The following MICU1 variants were observed in gnomAD, a reference collection of about 807,000 sequenced individuals.
MICU1 encodes calcium uptake protein 1, mitochondrial.
Under a neutral mutation model 56.8 loss-of-function variants are expected in MICU1, and 45 were observed. That is an observed-to-expected ratio of 0.79 (90% CI 0.62 to 1.02). The LOEUF is 1.02. Among genes scored for constraint, MICU1 ranks in the 50% least tolerant of loss-of-function variants. The pLI, the probability that MICU1 is intolerant of heterozygous loss-of-function variation, is 0.00. For missense variants in MICU1, 504 were observed against 587.1 expected (o/e 0.86, Z 1.46); for synonymous variants, 186 against 195.1 (o/e 0.95, Z 0.39).
chr10:72,416,408 T>C (rs1425925168), intron 9 of MICU1, among the ~76,000 whole-genome samples: 2 of 152,138 alleles, frequency 1.3e-5, no homozygotes, highest in African/African-American at 4.8e-5. Context: ...TATTTGGAGT[T>C]AATGAGTTTT....
At chr10:72,523,380 C>T (rs1249633999) in intron 5 of MICU1, among the ~76,000 whole-genome samples, 1 of 152,120 alleles carries the variant, frequency 6.6e-6, no homozygotes, top group Non-Finnish European at 1.5e-5. Flanking sequence ...ATGGAATCGT[C>T]TATACGTTAT....
intron 8 of MICU1, among the ~76,000 whole-genome samples, chr10:72,452,188 A>G (rs1194528091): frequency 3.3e-5 from 5 of 152,112 alleles, no homozygotes; most frequent in Non-Finnish European, 7.4e-5. Context: ...TTTCAATTCT[A>G]TCCCTTCACT....
intron 4 of MICU1, among the ~76,000 whole-genome samples, chr10:72,541,268 A>G (rs1349042360): frequency 6.6e-6 from 1 of 152,232 alleles, no homozygotes; most frequent in Non-Finnish European, 1.5e-5. Flanking sequence ...TTGTAAAACT[A>G]GTAAAAGGCC....
At chr10:72,504,108 T>C (rs1412064855) in intron 6 of MICU1, among the ~76,000 whole-genome samples, 4 of 152,136 alleles carry the variant, frequency 2.6e-5, no homozygotes, top group Admixed American at 6.5e-5. Flanking sequence ...ACCAATGTCA[T>C]TTTTCACAAA....
At chr10:72,409,195 TCAGGTCC>T (rs1354449967) in intron 9 of MICU1, among the ~76,000 whole-genome samples, 1 of 152,208 alleles carries the variant, frequency 6.6e-6, no homozygotes, top group Non-Finnish European at 1.5e-5. Flanking sequence ...TAATGAAGCA[TCAGGTCC>T]TTAAAGAGCT....
rs560566745 is a variant in MICU1 at position 72,567,061 on chromosome 10, T to C, written c.-1-267A>G. On this transcript the variant is annotated intron_variant, in intron 1 of 11. Transcript: ENST00000361114. ...AGTATGAAACTTTTAATATAAAACA[T>C]TATTAAGGCCAGGTATGTGGCTCAT... Among the ~76,000 whole-genome samples, 14 of 152,190 alleles carry C rather than the reference T, an allele frequency of 9.2e-5. No homozygotes were observed. In the East Asian group the frequency reaches 2.3e-3, roughly 25 times the overall value.
intron 10 of MICU1, among the ~76,000 whole-genome samples, chr10:72,376,509 G>C (rs1157922174): frequency 6.6e-6 from 1 of 152,090 alleles, no homozygotes; most frequent in Non-Finnish European, 1.5e-5. Context: ...GCCCGGCATG[G>C]TGGTGTGCAC....
intron 1 of MICU1, among the ~76,000 whole-genome samples, chr10:72,587,670 G>C (rs1025692353): frequency 2.0e-5 from 3 of 151,940 alleles, no homozygotes; most frequent in Non-Finnish European, 4.4e-5. Flanking sequence ...TGTAATCCTA[G>C]CTACCTGGGT....
rs756685404 is a variant in MICU1 at position 72,533,734 on chromosome 10, T to C, written c.537+12A>G. 7 of 1,589,260 alleles carry C rather than the reference T, an allele frequency of 4.4e-6. No homozygotes were observed. Among genetic ancestry groups the C allele is most frequent in the South Asian group, 3.4e-5 (3 of 88,582 alleles). On this transcript the variant is annotated intron_variant, in intron 5 of 11. Coordinates refer to ENST00000361114, the MANE Select transcript of MICU1 (RefSeq NM_001195518.2). Reference sequence around the variant, plus strand: ...ATAGGATATATGTATAGAAGTGTCATAGTTTGCTCACCTTTCCATCAAAGC... The same window carrying C: ...ATAGGATATATGTATAGAAGTGTCACAGTTTGCTCACCTTTCCATCAAAGC...
intron 3 of MICU1, among the ~76,000 whole-genome samples, chr10:72,555,325 TA>T (rs1454307076): frequency 2.0e-5 from 3 of 151,768 alleles, no homozygotes; most frequent in African/African-American, 7.3e-5. Flanking sequence ...GACCAACCAA[TA>T]AAAAGTAAGC....
At chr10:72,454,103 A>T (rs911175771) in intron 8 of MICU1, among the ~76,000 whole-genome samples, 4 of 152,024 alleles carry the variant, frequency 2.6e-5, no homozygotes, top group Non-Finnish European at 5.9e-5. Flanking sequence ...AAGTGCTCGG[A>T]TTACAGGCGT....
intron 11 of MICU1, 145 bp downstream of exon 11, chr10:72,375,638 G>C: frequency 6.1e-6 from 4 of 658,170 alleles, no homozygotes; most frequent in Non-Finnish European, 4.9e-6. Flanking sequence ...TCATGCCAAG[G>C]GCTGAGGTGC....
intron 1 of MICU1, among the ~76,000 whole-genome samples, chr10:72,610,656 T>A (rs994249651): frequency 1.3e-5 from 2 of 152,138 alleles, no homozygotes; most frequent in Non-Finnish European, 2.9e-5. Context: ...AATACAACTA[T>A]TACCAACTGA....
At chr10:72,443,649 T>C (rs1435175414) in intron 8 of MICU1, among the ~76,000 whole-genome samples, 2 of 152,134 alleles carry the variant, frequency 1.3e-5, no homozygotes, top group African/African-American at 2.4e-5. Flanking sequence ...ATTGCTTTGA[T>C]TGCAAATCAA....
chr10:72,465,405 T>C (rs1328612123), intron 8 of MICU1, among the ~76,000 whole-genome samples: 1 of 150,528 alleles, frequency 6.6e-6, no homozygotes, highest in Non-Finnish European at 1.5e-5. Context: ...GTCATTCTTA[T>C]CCCTGGGAGA....
At chr10:72,509,621 T>C (rs952200749) in intron 5 of MICU1, among the ~76,000 whole-genome samples, 1 of 152,236 alleles carries the variant, frequency 6.6e-6, no homozygotes, top group East Asian at 1.9e-4. Flanking sequence ...TAGTAGGTTT[T>C]GATGGCGCTT....
At chr10:72,595,295 T>C (rs1841346377) in intron 1 of MICU1, among the ~76,000 whole-genome samples, 1 of 151,054 alleles carries the variant, frequency 6.6e-6, no homozygotes, top group African/African-American at 2.4e-5. Context: ...CTACTACAAA[T>C]ACAAAAATTA....
At chr10:72,560,298 C>T (rs142166114) in intron 3 of MICU1, 1 of 152,214 alleles carries the variant, frequency 6.6e-6, no homozygotes, top group African/African-American at 2.4e-5. Flanking sequence ...TTCACAACCT[C>T]TGTGGTCTAC....
At chr10:72,371,493 A>C (rs1049495901) in intron 11 of MICU1, among the ~76,000 whole-genome samples, 1 of 152,080 alleles carries the variant, frequency 6.6e-6, no homozygotes, top group African/African-American at 2.4e-5. Context: ...CTGTAATCCC[A>C]GCACTTTGGG....
Sources: allele counts gnomAD v4.1 joint callset (sites outside exome capture counted in the v4.1 genomes callset), GRCh38; gene constraint gnomAD v4.1.1; transcripts MANE v1.5; gene names NCBI Gene and HGNC (gene_info 2026-07-23, HGNC 2026-07-21).